The following MAP3K5 variants were observed in gnomAD, a reference collection of about 807,000 sequenced individuals.
MAP3K5 encodes mitogen-activated protein kinase kinase kinase 5.
Under a neutral mutation model 158.7 loss-of-function variants are expected in MAP3K5, and 56 were observed. The observed-to-expected ratio is 0.35, with a 90% CI of 0.28 to 0.44. The LOEUF (loss-of-function observed/expected upper bound fraction) is 0.44. Ranked by LOEUF, MAP3K5 falls within the 20% of genes least tolerant of loss-of-function variation. The pLI, the probability that MAP3K5 is intolerant of heterozygous loss-of-function variation, is 1.00. For synonymous variants in MAP3K5, 579 were observed against 601.7 expected (o/e 0.96, Z 0.55); for missense variants, 1,294 against 1,674.8 (o/e 0.77, Z 3.97).
intron 2 of MAP3K5, among the ~76,000 whole-genome samples, chr6:136,712,976 CCA>C (rs1781375469): frequency 1.3e-5 from 2 of 152,088 alleles, no homozygotes; most frequent in Admixed American, 1.3e-4. Flanking sequence ...TATAAATTAC[CCA>C]GTCTCAGGTA....
intron 1 of MAP3K5, among the ~76,000 whole-genome samples, chr6:136,740,067 A>G (rs906306194): frequency 6.6e-6 from 1 of 152,214 alleles, no homozygotes; most frequent in African/African-American, 2.4e-5. Context: ...ATTCTCAGAC[A>G]CAAGCTGCTT....
At chr6:136,741,443 G>C (rs1421431685) in intron 1 of MAP3K5, among the ~76,000 whole-genome samples, 2 of 151,086 alleles carry the variant, frequency 1.3e-5, no homozygotes, top group African/African-American at 4.9e-5. Context: ...CACAGCTGGA[G>C]AAGCCTGAAT....
At chr6:136,675,301 G>A (rs1370168576) in intron 7 of MAP3K5, among the ~76,000 whole-genome samples, 2 of 152,116 alleles carry the variant, frequency 1.3e-5, no homozygotes, top group South Asian at 2.1e-4. Flanking sequence ...AATTATCAGT[G>A]AGGATATAGA....
chr6:136,626,468 G>A (rs1458196310), intron 14 of MAP3K5, among the ~76,000 whole-genome samples: 1 of 152,158 alleles, frequency 6.6e-6, no homozygotes. Flanking sequence ...GTGATCAGAG[G>A]GAAGGAACAG....
At chr6:136,770,596 T>C (rs1030394005) in intron 1 of MAP3K5, among the ~76,000 whole-genome samples, 2 of 152,122 alleles carry the variant, frequency 1.3e-5, no homozygotes, top group African/African-American at 2.4e-5. Context: ...TTAAACTTTA[T>C]AGAATAAAAT....
Position 136,651,039 on chromosome 6 carries a change from T to C in MAP3K5, c.1733A>G (p.Asn578Ser). Residue 578 changes from asparagine to serine, a missense_variant, in exon 11 of 30, where the codon AAC becomes AGC. By Grantham distance (46) the Asn-to-Ser change is conservative. This residue lies in a region of MAP3K5 where 690 missense variants were observed against 870.5 expected (regional missense o/e 0.79). Transcript: ENST00000359015. Reference sequence around the variant, plus strand: ...GATTGTCTTTTCCTCAACTTCATTGTTGATAGACAAATAAGAAGGTTGATA... The same window carrying C: ...GATTGTCTTTTCCTCAACTTCATTGCTGATAGACAAATAAGAAGGTTGATA... ...KIYQPSYLSINNEVEEKTISI... is the reference protein window; with the variant it reads ...KIYQPSYLSISNEVEEKTISI... 1.2e-6 allele frequency: 2 copies of C among 1,611,986 alleles called. No homozygotes were observed. The highest frequency in any genetic ancestry group is 1.7e-6 in the Non-Finnish European group (2 of 1,178,662).
chr6:136,614,724 T>A (rs1421790721), intron 15 of MAP3K5, among the ~76,000 whole-genome samples: 1 of 152,230 alleles, frequency 6.6e-6, no homozygotes. Flanking sequence ...ACAACTTTAT[T>A]ATTGACTATA....
chr6:136,557,670 C>T lies in MAP3K5; in HGVS notation c.*88G>A. ...ACTGGATTTAAAGTGCAGCGCCTTT[C>T]TCCTCTCCCTTCGATTTTCCCACCC... On this transcript the variant is annotated 3_prime_UTR_variant, in exon 30 of 30. Coordinates refer to ENST00000359015, the MANE Select transcript of MAP3K5 (RefSeq NM_005923.4). 2.3e-6 allele frequency: 2 copies of T among 864,866 alleles called. No individual in the cohort carries two copies. Among genetic ancestry groups the T allele is most frequent in the Non-Finnish European group, 3.9e-6 (2 of 515,988 alleles). The allele number at this position is 864,866 out of a possible 1,614,324, so 53.6% of individuals were successfully genotyped here. A position where few individuals can be genotyped will look rare whatever the true frequency, so the allele number is the denominator to read the frequency against.
chr6:136,595,328 C>T (rs1258396865), intron 21 of MAP3K5, among the ~76,000 whole-genome samples: 1 of 152,228 alleles, frequency 6.6e-6, no homozygotes, highest in Non-Finnish European at 1.5e-5. Flanking sequence ...TGGTCTCAAA[C>T]TCCTGACATC....
intron 1 of MAP3K5, among the ~76,000 whole-genome samples, chr6:136,777,928 C>A (rs1022834482): frequency 2.0e-5 from 3 of 152,094 alleles, no homozygotes; most frequent in African/African-American, 7.2e-5. Flanking sequence ...GAGAAAAATA[C>A]CAAATTGAAA....
chr6:136,610,121 T>C (rs1314447917), intron 18 of MAP3K5, among the ~76,000 whole-genome samples: 5 of 152,026 alleles, frequency 3.3e-5, no homozygotes, highest in African/African-American at 9.7e-5. Flanking sequence ...GATCTTTTTC[T>C]CTTCCCTTCC....
chr6:136,583,529 A>G, intron 24 of MAP3K5, 26 bp downstream of exon 24: 1 of 1,585,652 alleles, frequency 6.3e-7, no homozygotes, highest in Non-Finnish European at 8.6e-7. Flanking sequence ...GTGTGTGGGA[A>G]AACACTGGCA....
At chr6:136,667,666 T>C (rs752096087) in intron 8 of MAP3K5, among the ~76,000 whole-genome samples, 1 of 152,012 alleles carries the variant, frequency 6.6e-6, no homozygotes, top group Non-Finnish European at 1.5e-5. Context: ...CTGGGCAACA[T>C]GGCAAAACCT....
chr6:136,679,786 A>AT (rs2114585554), intron 7 of MAP3K5, among the ~76,000 whole-genome samples: 1 of 152,248 alleles, frequency 6.6e-6, no homozygotes, highest in East Asian at 1.9e-4. Flanking sequence ...CAAAACCACA[A>AT]TTTTCTTCTG....
At chr6:136,639,246 C>T (rs1187620910) in intron 13 of MAP3K5, among the ~76,000 whole-genome samples, 1 of 152,018 alleles carries the variant, frequency 6.6e-6, no homozygotes, top group African/African-American at 2.4e-5. Context: ...TAATCATATA[C>T]AGTAAGTGAG....
intron 15 of MAP3K5, among the ~76,000 whole-genome samples, chr6:136,620,976 C>T (rs188588560): frequency 2.0e-5 from 3 of 152,332 alleles, no homozygotes; most frequent in East Asian, 3.9e-4. Context: ...CAAGGCCTCA[C>T]TATGTGAGAT....
chr6:136,726,193 G>A (rs996898279), intron 1 of MAP3K5, among the ~76,000 whole-genome samples: 2 of 152,196 alleles, frequency 1.3e-5, no homozygotes, highest in African/African-American at 4.8e-5. Flanking sequence ...TCAGCTGGCT[G>A]TTGATATCTA....
At chr6:136,693,278 G>A (rs950290482) in intron 7 of MAP3K5, among the ~76,000 whole-genome samples, 1 of 152,124 alleles carries the variant, frequency 6.6e-6, no homozygotes, top group Non-Finnish European at 1.5e-5. Flanking sequence ...GTTTGTCTAT[G>A]CCTATAGCCA....
Position 136,763,640 on chromosome 6 carries a change from G to A in MAP3K5, c.448+28070C>T, listed in dbSNP as rs1228775463. On this transcript the variant is annotated intron_variant, in intron 1 of 29. Coordinates refer to ENST00000359015, the MANE Select transcript of MAP3K5 (RefSeq NM_005923.4). ...TTCAAAATCTGATGACTGTTCTCAAGGCCTCAGTTTCCCTCTATGACTTGG... is the reference window on the plus strand; with the variant it reads ...TTCAAAATCTGATGACTGTTCTCAAAGCCTCAGTTTCCCTCTATGACTTGG... Among the ~76,000 whole-genome samples, 4 of 152,140 alleles carry A rather than the reference G, an allele frequency of 2.6e-5. No individual in the cohort carries two copies. In the East Asian group the frequency reaches 7.7e-4, roughly 29 times the overall value.
Sources: allele counts gnomAD v4.1 joint callset (sites outside exome capture counted in the v4.1 genomes callset), GRCh38; gene constraint gnomAD v4.1.1; regional missense constraint gnomAD v4.1.1; transcripts MANE v1.5; gene names NCBI Gene and HGNC (gene_info 2026-07-23, HGNC 2026-07-21).